GHR: variants seen among roughly 807,000 people sequenced by gnomAD.
GHR encodes the protein GH receptor.
GHR carries 35 observed loss-of-function variants against 67.1 expected under a neutral mutation model. The observed-to-expected ratio is 0.52, with a 90% CI of 0.40 to 0.69. The LOEUF (loss-of-function observed/expected upper bound fraction) is 0.69, where lower values mean the gene tolerates loss of function less well. Among genes scored for constraint, GHR ranks in the 30% least tolerant of loss-of-function variants. The pLI is 0.00. For synonymous variants in GHR, 272 were observed against 269.1 expected, an observed-to-expected ratio of 1.01 and a Z score of -0.10; for missense variants, 792 against 764.6, an observed-to-expected ratio of 1.04 and a Z score of -0.42.
intron 2 of GHR, among the ~76,000 whole-genome samples, chr5:42,586,645 T>C (rs976238697): frequency 6.6e-6 from 1 of 152,306 alleles, no homozygotes; most frequent in Non-Finnish European, 1.5e-5. Flanking sequence ...GAAAGCAAAA[T>C]GTATGTCAAA....
chr5:42,717,970 A>G (rs1001935363), intron 8 of GHR, 82 bp from the exon 9 acceptor site: 15 of 757,132 alleles, frequency 2.0e-5, no homozygotes, highest in Non-Finnish European at 3.4e-5. Context: ...TAGTATTGCC[A>G]ATATTTTATT....
intron 2 of GHR, among the ~76,000 whole-genome samples, chr5:42,576,042 A>AAAAG (rs1353693848): frequency 4.3e-4 from 36 of 82,796 alleles, no homozygotes; most frequent in Non-Finnish European, 6.8e-4. Flanking sequence ...TCAGAAAATT[A>AAAAG]AAATAATAAA....
intron 1 of GHR, among the ~76,000 whole-genome samples, chr5:42,476,925 A>G (rs1283499136): frequency 2.0e-5 from 3 of 152,120 alleles, no homozygotes; most frequent in African/African-American, 4.8e-5. Flanking sequence ...GTACATGTGC[A>G]CAACGTGCAG....
At chr5:42,470,314 C>A (rs1744956517) in intron 1 of GHR, among the ~76,000 whole-genome samples, 1 of 150,248 alleles carries the variant, frequency 6.7e-6, no homozygotes, top group African/African-American at 2.4e-5. Context: ...TACACACACA[C>A]ACGCACATAT....
intron 1 of GHR, among the ~76,000 whole-genome samples, chr5:42,549,076 G>C (rs1310905470): frequency 6.6e-6 from 1 of 152,214 alleles, no homozygotes; most frequent in African/African-American, 2.4e-5. Flanking sequence ...TAGTCTGAGA[G>C]ATGGTCAGTA....
intron 3 of GHR, among the ~76,000 whole-genome samples, chr5:42,636,871 T>C (rs1278623369): frequency 6.6e-6 from 1 of 152,192 alleles, no homozygotes; most frequent in East Asian, 1.9e-4. Context: ...TAAGGTAATA[T>C]ATATTTAAGC....
At chr5:42,425,860 A>G (rs1371206161) in intron 1 of GHR, among the ~76,000 whole-genome samples, 1 of 152,188 alleles carries the variant, frequency 6.6e-6, no homozygotes, top group Non-Finnish European at 1.5e-5. Context: ...AATTATAGTT[A>G]TGGTCTCCTG....
intron 2 of GHR, among the ~76,000 whole-genome samples, chr5:42,622,843 A>G (rs1308401814): frequency 6.6e-6 from 1 of 152,096 alleles, no homozygotes; most frequent in Non-Finnish European, 1.5e-5. Context: ...CCATAAGTAG[A>G]TTTCCATCCC....
intron 8 of GHR, 100 bp downstream of exon 8, chr5:42,713,619 G>A: frequency 1.4e-6 from 1 of 740,456 alleles, no homozygotes. Flanking sequence ...CAAATTATGA[G>A]TGGAAATTTT....
At chr5:42,488,152 A>C (rs1054184361) in intron 1 of GHR, among the ~76,000 whole-genome samples, 1 of 152,248 alleles carries the variant, frequency 6.6e-6, no homozygotes, top group Non-Finnish European at 1.5e-5. Flanking sequence ...ATCTATTAGT[A>C]AAACTTTTAT....
chr5:42,533,544 C>G (rs1748073014), intron 1 of GHR, among the ~76,000 whole-genome samples: 2 of 151,748 alleles, frequency 1.3e-5, no homozygotes, highest in African/African-American at 2.4e-5. Context: ...GTCATATGCT[C>G]TAATTTTTTT....
chr5:42,485,060 C>T (rs983527537), intron 1 of GHR, among the ~76,000 whole-genome samples: 4 of 152,086 alleles, frequency 2.6e-5, no homozygotes, highest in Non-Finnish European at 4.4e-5. Flanking sequence ...AAATGAAAAA[C>T]GATTCCTAGC....
intron 3 of GHR, among the ~76,000 whole-genome samples, chr5:42,673,691 T>C (rs1329386143): frequency 2.0e-5 from 3 of 152,176 alleles, no homozygotes; most frequent in Non-Finnish European, 2.9e-5. Flanking sequence ...AAATACTGCA[T>C]GTTTTTACTT....
chr5:42,518,352 T>C (rs1747332370), intron 1 of GHR, among the ~76,000 whole-genome samples: 1 of 152,116 alleles, frequency 6.6e-6, no homozygotes, highest in Non-Finnish European at 1.5e-5. Context: ...TCTTGAGGTG[T>C]AGGGAAAACA....
chr5:42,581,941 C>A (rs375235590), intron 2 of GHR, among the ~76,000 whole-genome samples: 38 of 152,374 alleles, frequency 2.5e-4, no homozygotes, highest in Middle Eastern at 6.8e-3. Flanking sequence ...CCTGCACCTG[C>A]ACCCAGCACC....
intron 3 of GHR, among the ~76,000 whole-genome samples, chr5:42,661,409 G>A (rs1488735912): frequency 6.6e-6 from 1 of 152,176 alleles, no homozygotes; most frequent in Admixed American, 6.5e-5. Flanking sequence ...TAATCTCTTG[G>A]CAGAAACTCT....
At chr5:42,535,270 T>C (rs1312397040) in intron 1 of GHR, among the ~76,000 whole-genome samples, 1 of 152,184 alleles carries the variant, frequency 6.6e-6, no homozygotes, top group African/African-American at 2.4e-5. Context: ...TGTTATCTTC[T>C]AGTATTTTTA....
At chr5:42,563,127 G>A (rs941962103) in intron 1 of GHR, among the ~76,000 whole-genome samples, 4 of 152,186 alleles carry the variant, frequency 2.6e-5, no homozygotes, top group Non-Finnish European at 5.9e-5. Context: ...GCAGCCTTCC[G>A]AGAAATGCAA....
intron 2 of GHR, among the ~76,000 whole-genome samples, chr5:42,622,300 T>G (rs772813391): frequency 6.6e-6 from 1 of 152,234 alleles, no homozygotes; most frequent in Non-Finnish European, 1.5e-5. Flanking sequence ...TCAATCAGCA[T>G]GTACTTTATC....
Sources: allele counts gnomAD v4.1 joint callset (sites outside exome capture counted in the v4.1 genomes callset), GRCh38; gene constraint gnomAD v4.1.1; transcripts MANE v1.5; gene names NCBI Gene and HGNC (gene_info 2026-07-23, HGNC 2026-07-21).